Variants in MAGI2 observed in about 807,000 individuals in gnomAD.
MAGI2 encodes membrane associated guanylate kinase, WW and PDZ domain containing 2.
Under a neutral mutation model 133.3 loss-of-function variants are expected in MAGI2, and 35 were observed. That is an observed-to-expected ratio of 0.26 (90% CI 0.20 to 0.35). The LOEUF is 0.35. Ranked by LOEUF, MAGI2 falls within the 10% of genes least tolerant of loss-of-function variation. The probability of loss-of-function intolerance (pLI) is 1.00; values close to 1 mark genes in which losing one functional copy is unlikely to be tolerated. For synonymous variants in MAGI2, 729 were observed against 710.6 expected (o/e 1.03, Z -0.41); for missense variants, 1,636 against 1,863.4 (o/e 0.88, Z 2.25).
rs149855422 is a variant in MAGI2, at chr7:78,248,805, C to T, written c.2047+7138G>A. 2.9e-3 allele frequency among the ~76,000 whole-genome samples: 438 copies of T among 152,090 alleles called. 11 individuals carry two copies. In the East Asian group the frequency reaches 0.043, roughly 15 times the overall value. Reference sequence around the variant, plus strand: ...ATGTGGAGATACTTCATGATATTGGCTTGGACAATGGTTTTTTGGATATGC... The same window carrying T: ...ATGTGGAGATACTTCATGATATTGGTTTGGACAATGGTTTTTTGGATATGC... On this transcript the variant is annotated intron_variant, in intron 10 of 21. Transcript: ENST00000354212.
intron 2 of MAGI2, among the ~76,000 whole-genome samples, chr7:78,903,595 G>A (rs1187313346): frequency 6.6e-6 from 1 of 152,170 alleles, no homozygotes; most frequent in East Asian, 1.9e-4. Flanking sequence ...AATGGAGTGA[G>A]AAAGTGAAGT....
chr7:78,619,866 G>A (rs972718440), intron 3 of MAGI2, among the ~76,000 whole-genome samples: 4 of 151,952 alleles, frequency 2.6e-5, no homozygotes, highest in Non-Finnish European at 5.9e-5. Flanking sequence ...CATTTAGTGA[G>A]ATCAGTAAAC....
intron 9 of MAGI2, among the ~76,000 whole-genome samples, chr7:78,281,523 C>T (rs1416431026): frequency 6.6e-6 from 1 of 152,100 alleles, no homozygotes; most frequent in Non-Finnish European, 1.5e-5. Flanking sequence ...TGTAAGTTTC[C>T]TGAGGCCTCT....
intron 2 of MAGI2, among the ~76,000 whole-genome samples, chr7:78,863,473 G>T (rs1226309374): frequency 6.6e-6 from 1 of 152,148 alleles, no homozygotes; most frequent in Non-Finnish European, 1.5e-5. Context: ...TCAACAACCA[G>T]CTCTCAAGGG....
intron 1 of MAGI2, among the ~76,000 whole-genome samples, chr7:79,065,412 G>A (rs1169387364): frequency 6.6e-6 from 1 of 152,032 alleles, no homozygotes; most frequent in South Asian, 2.1e-4. Context: ...CACATGGAAG[G>A]TACTCAAATT....
intron 20 of MAGI2, among the ~76,000 whole-genome samples, chr7:78,091,330 C>T (rs1205171428): frequency 6.6e-6 from 1 of 152,142 alleles, no homozygotes; most frequent in Non-Finnish European, 1.5e-5. Flanking sequence ...GGTTTGTCCT[C>T]TCTTGCCCTT....
chr7:78,398,175 C>A (rs1261279596), intron 6 of MAGI2, among the ~76,000 whole-genome samples: 2 of 152,140 alleles, frequency 1.3e-5, no homozygotes, highest in African/African-American at 4.8e-5. Context: ...TCAAATAATC[C>A]ATGATCAAAG....
intron 1 of MAGI2, among the ~76,000 whole-genome samples, chr7:79,443,743 C>A (rs1363549498): frequency 6.6e-6 from 1 of 152,124 alleles, no homozygotes; most frequent in African/African-American, 2.4e-5. Context: ...TGATCCATGG[C>A]AATATAAATA....
intron 9 of MAGI2, among the ~76,000 whole-genome samples, chr7:78,312,633 G>A (rs932046442): frequency 1.3e-5 from 2 of 152,050 alleles, no homozygotes; most frequent in Non-Finnish European, 2.9e-5. Flanking sequence ...CTAATAATCA[G>A]GGAAATGCAA....
intron 1 of MAGI2, among the ~76,000 whole-genome samples, chr7:79,391,071 C>A (rs1045116987): frequency 1.3e-5 from 2 of 152,126 alleles, no homozygotes; most frequent in Non-Finnish European, 2.9e-5. Context: ...TACTCTATCC[C>A]AGGGCTCTGT....
chr7:79,116,617 C>T (rs567464276), intron 1 of MAGI2, among the ~76,000 whole-genome samples: 1 of 152,218 alleles, frequency 6.6e-6, no homozygotes, highest in South Asian at 2.1e-4. Context: ...ATGCGTCCCT[C>T]CAAAACTCAT....
intron 2 of MAGI2, among the ~76,000 whole-genome samples, chr7:78,808,810 G>T (rs1788801097): frequency 6.6e-6 from 1 of 152,144 alleles, no homozygotes. Flanking sequence ...ATCAGCAGAG[G>T]CAGCCCTGCC....
chr7:78,192,190 G>C (rs1175733132), intron 12 of MAGI2, among the ~76,000 whole-genome samples: 1 of 152,146 alleles, frequency 6.6e-6, no homozygotes, highest in Non-Finnish European at 1.5e-5. Context: ...GCTCTGGTTA[G>C]GATTCTTTTC....
At chr7:78,739,886 C>T (rs865889086) in intron 2 of MAGI2, among the ~76,000 whole-genome samples, 2 of 152,096 alleles carry the variant, frequency 1.3e-5, no homozygotes, top group African/African-American at 4.8e-5. Context: ...TGGCCAGGCG[C>T]GGTGGCTCAC....
At chr7:79,299,756 A>G (rs753301623) in intron 1 of MAGI2, among the ~76,000 whole-genome samples, 7 of 152,104 alleles carry the variant, frequency 4.6e-5, no homozygotes, top group African/African-American at 1.4e-4. Context: ...GTAATCCCCA[A>G]TGCTAGAGGA....
chr7:79,201,708 A>G (rs1192840095), intron 1 of MAGI2, among the ~76,000 whole-genome samples: 1 of 151,902 alleles, frequency 6.6e-6, no homozygotes, highest in East Asian at 1.9e-4. Flanking sequence ...CTCCCTTTTT[A>G]AAATATTAGT....
chr7:78,160,772 A>G (rs1376897411), intron 15 of MAGI2, among the ~76,000 whole-genome samples: 1 of 152,224 alleles, frequency 6.6e-6, no homozygotes, highest in Admixed American at 6.5e-5. Context: ...TCAAGGCTAC[A>G]CTTCGAGAAA....
chr7:78,716,189 C>A (rs1819682473), intron 2 of MAGI2, among the ~76,000 whole-genome samples: 1 of 152,186 alleles, frequency 6.6e-6, no homozygotes, highest in Admixed American at 6.5e-5. Flanking sequence ...GTCTGCAGTT[C>A]TTTTCCCACA....
chr7:78,308,601 G>C (rs1191335611), intron 9 of MAGI2, among the ~76,000 whole-genome samples: 1 of 149,226 alleles, frequency 6.7e-6, no homozygotes, highest in African/African-American at 2.5e-5. Context: ...CATTTTCTTT[G>C]CCTACCATTT....
Sources: gnomAD v4.1 joint callset for allele counts (sites outside exome capture counted in the v4.1 genomes callset) on GRCh38, gnomAD v4.1.1 for gene constraint, MANE v1.5 for transcripts, NCBI Gene and HGNC (gene_info 2026-07-23, HGNC 2026-07-21) for gene names.